Variants in CASZ1 observed in about 807,000 individuals in gnomAD.
CASZ1 encodes the protein castor zinc finger 1.
A neutral mutation model predicts 135.2 loss-of-function variants in CASZ1; 28 were observed. The ratio of observed to expected loss-of-function variants is 0.21; its 90% CI spans 0.15 to 0.28. CASZ1 has a LOEUF of 0.28. Among genes scored for constraint, CASZ1 ranks in the 10% least tolerant of loss-of-function variants. The pLI is 1.00. For missense variants in CASZ1, 2,161 were observed against 2,453.3 expected (o/e 0.88, Z 2.52); for synonymous variants, 1,068 against 1,073.4 (o/e 0.99, Z 0.10).
chr1:10,769,257 A>T (rs1246667542), intron 1 of CASZ1, among the ~76,000 whole-genome samples: 1 of 152,170 alleles, frequency 6.6e-6, no homozygotes, highest in African/African-American at 2.4e-5. Flanking sequence ...CGGCGAGAAC[A>T]CTCCAGTGGC....
chr1:10,790,227 C>T (rs569019219), intron 1 of CASZ1, among the ~76,000 whole-genome samples: 106 of 152,348 alleles, frequency 7.0e-4, no homozygotes, highest in Non-Finnish European at 1.1e-3. Context: ...GAAACCAACA[C>T]GGGGTGCTGG....
chr1:10,695,797 T>G (rs1415038625), intron 3 of CASZ1, among the ~76,000 whole-genome samples: 1 of 152,124 alleles, frequency 6.6e-6, no homozygotes, highest in Non-Finnish European at 1.5e-5. Flanking sequence ...TTGAGAGTCC[T>G]TATATGTTGG....
intron 2 of CASZ1, among the ~76,000 whole-genome samples, chr1:10,728,110 C>T (rs540704928): frequency 6.6e-6 from 1 of 152,342 alleles, no homozygotes; most frequent in East Asian, 1.9e-4. Flanking sequence ...TCCAGTGTCC[C>T]CTTGGCACCA....
At chr1:10,773,743 CTGTGTGTGTGCT>C (rs976164630) in intron 1 of CASZ1, among the ~76,000 whole-genome samples, 1 of 152,088 alleles carries the variant, frequency 6.6e-6, no homozygotes. Flanking sequence ...AGACAGCAGT[CTGTGTGTGTGCT>C]TGTGAGGCAC....
At chr1:10,766,940 T>C (rs1208135445) in intron 1 of CASZ1, among the ~76,000 whole-genome samples, 1 of 152,076 alleles carries the variant, frequency 6.6e-6, no homozygotes, top group Admixed American at 6.5e-5. Flanking sequence ...CTCACAGCAC[T>C]GCTTAGTAAG....
rs539770491 is a variant in CASZ1 at position 10,645,485 on chromosome 1, G to A, written c.3697-397C>T. Among the ~76,000 whole-genome samples the A allele has an allele frequency of 5.3e-5, 8 of 152,276 alleles. No homozygotes were observed. The South Asian group carries it at 8.3e-4, about 16-fold the overall frequency. On this transcript the variant is annotated intron_variant, in intron 17 of 20. Transcript: ENST00000377022. ...GCAGAGCTTGCAGTGAGCCGAGATC[G>A]TGCCACTGCACTCCAGCCTGGGTGA...
intron 2 of CASZ1, among the ~76,000 whole-genome samples, chr1:10,748,687 CA>C (rs1640093604): frequency 6.6e-6 from 1 of 152,140 alleles, no homozygotes; most frequent in Non-Finnish European, 1.5e-5. Flanking sequence ...GCCCCTTCAC[CA>C]CTGCTTGCTC....
chr1:10,694,927 C>T lies in CASZ1; in HGVS notation c.-23-1015G>A, dbSNP rs1023156573. On this transcript the variant is annotated intron_variant, in intron 3 of 20. Transcript: ENST00000377022. The surrounding 1 kb of genome is among the most constrained non-coding windows in gnomAD (Gnocchi z 6.6). ...CGCGCGCTCGCATGCTGCCAGCGGC[C>T]GCTCGGGCCCCGCGAGCGCGACCGA... Among the ~76,000 whole-genome samples, 1,032 of 143,696 alleles carry T rather than the reference C, an allele frequency of 7.2e-3. 35 individuals are homozygous for T. The highest frequency in any genetic ancestry group is 0.059 in the East Asian group (282 of 4,806). The allele number at this position is 143,696 out of a possible 152,430, so 94.3% of individuals were successfully genotyped here.
chr1:10,639,980 C>T lies in CASZ1; in HGVS notation c.4242G>A (p.Lys1414=), dbSNP rs775596134. ...TCCGGGAGGACGCCGTCTTCCGCCGCTTGCCGAAGGGCGACATGTCCTCGA... is the reference window on the plus strand; with the variant it reads ...TCCGGGAGGACGCCGTCTTCCGCCGTTTGCCGAAGGGCGACATGTCCTCGA... ...WIIEDMSPFG[K]RRKTASSRKM... The change falls in exon 21 of 21, where the codon AAG becomes AAA. Residue 1414 remains lysine (K), a synonymous_variant. Transcript: ENST00000377022. The surrounding 1 kb of genome is among the most constrained non-coding windows in gnomAD (Gnocchi z 4.0). 1.2e-6 allele frequency: 2 copies of T among 1,612,782 alleles called. No homozygotes were observed. Among genetic ancestry groups the T allele is most frequent in the Non-Finnish European group, 1.7e-6 (2 of 1,180,020 alleles).
intron 11 of CASZ1, 76 bp downstream of exon 11, chr1:10,653,301 G>T: frequency 6.9e-7 from 1 of 1,442,528 alleles, no homozygotes; most frequent in Non-Finnish European, 9.7e-7. Context: ...CCCCGACTCT[G>T]CTCTGCAGCC....
intron 4 of CASZ1, among the ~76,000 whole-genome samples, chr1:10,685,131 T>A (rs1638544750): frequency 6.6e-6 from 1 of 152,268 alleles, no homozygotes; most frequent in South Asian, 2.1e-4. Flanking sequence ...TAAGTTTTCA[T>A]CTTATTTTAA....
At chr1:10,753,650 C>A (rs557490831) in intron 2 of CASZ1, among the ~76,000 whole-genome samples, 1 of 152,126 alleles carries the variant, frequency 6.6e-6, no homozygotes, top group African/African-American at 2.4e-5. Flanking sequence ...TGTTTCTGAG[C>A]GGCTCCCCAG....
At chr1:10,769,302 A>G (rs1010835031) in intron 1 of CASZ1, among the ~76,000 whole-genome samples, 1 of 152,250 alleles carries the variant, frequency 6.6e-6, no homozygotes, top group Non-Finnish European at 1.5e-5. Flanking sequence ...CACAGCAGCC[A>G]CTGGCCACAT....
rs1162927454 is a variant in CASZ1, at chr1:10,774,294, A to G, written c.-233-13437T>C. 6.6e-6 allele frequency among the ~76,000 whole-genome samples: 1 copy of G among 151,944 alleles called. No homozygotes were observed. The highest frequency in any genetic ancestry group is 1.5e-5 in the Non-Finnish European group (1 of 67,968). On this transcript the variant is annotated intron_variant, in intron 1 of 20. Coordinates refer to ENST00000377022, the MANE Select transcript of CASZ1 (RefSeq NM_001079843.3). This position sits in a 1 kb window ranked among gnomAD's most constrained non-coding sequence, Gnocchi z 4.4. The stretch of plus-strand genomic sequence containing the variant: ...CGGGAACCATTTCAAAAGCTAAACA[A>G]TCTACCCCTTTTAAATGTTCTCAAC...
Position 10,707,321 on chromosome 1 carries a change from C to T in CASZ1, c.-76-1777G>A, listed in dbSNP as rs545148981. On this transcript the variant is annotated intron_variant, in intron 2 of 20. Coordinates refer to ENST00000377022, the MANE Select transcript of CASZ1 (RefSeq NM_001079843.3). The surrounding 1 kb of genome is among the most constrained non-coding windows in gnomAD (Gnocchi z 5.0). ...TTAATTTTGTGTTAAACAGACTGACCGGAATGATAACGACTTGCAGCGCGG... is the reference window on the plus strand; with the variant it reads ...TTAATTTTGTGTTAAACAGACTGACTGGAATGATAACGACTTGCAGCGCGG... Among the ~76,000 whole-genome samples, 4 of 152,262 alleles carry T rather than the reference C, an allele frequency of 2.6e-5. No individual in the cohort carries two copies. The highest frequency in any genetic ancestry group is 4.8e-5 in the African/African-American group (2 of 41,532).
Position 10,647,118 on chromosome 1 carries a change from G to T in CASZ1, c.3497+683C>A. The T allele has an allele frequency of 2.1e-6, 1 of 479,030 alleles. No individual in the cohort carries two copies. Among genetic ancestry groups the T allele is most frequent in the South Asian group, 8.9e-5 (1 of 11,286 alleles). 29.7% of individuals were successfully genotyped at this position (479,030 alleles called of 1,614,324 possible). ...GGGAGGAGGAGGGGGAGGGGAGGCT[G>T]GTGGGGGGGACGGAGAACAGTGCTG... On this transcript the variant is annotated intron_variant, in intron 16 of 20. Transcript: ENST00000377022. This position sits in a 1 kb window ranked among gnomAD's most constrained non-coding sequence, Gnocchi z 4.9.
chr1:10,658,374 C>T (rs1642880746), intron 7 of CASZ1, 134 bp downstream of exon 7: 13 of 702,066 alleles, frequency 1.9e-5, no homozygotes, highest in South Asian at 3.4e-5. Context: ...GTGGAGGGAC[C>T]GAAGTGGATG....
chr1:10,656,652 G>C lies in CASZ1; in HGVS notation c.1494C>G (p.Asn498Lys). 3 of 1,597,088 alleles carry C rather than the reference G, an allele frequency of 1.9e-6. No homozygotes were observed. Among genetic ancestry groups the C allele is most frequent in the Non-Finnish European group, 2.6e-6 (3 of 1,172,312 alleles). Residue 498 changes from asparagine (N) to lysine (K), a missense_variant, in exon 8 of 21, where the codon AAC becomes AAG. Coordinates refer to ENST00000377022, the MANE Select transcript of CASZ1 (RefSeq NM_001079843.3). ...CATCTGGCTGTGGCCGTACCTGGTA[G>C]TTACACTCAGGGTCAAGGCAGTGGT... is the stretch of plus-strand genomic sequence containing the variant. ...EHYHCLDPEC[N>K]YQRFTSKQDV...
At chr1:10,667,578 G>A (rs1481197440) in intron 4 of CASZ1, among the ~76,000 whole-genome samples, 1 of 152,190 alleles carries the variant, frequency 6.6e-6, no homozygotes, top group Non-Finnish European at 1.5e-5. Context: ...GACGCCGGGT[G>A]TCCTCCAACA....
Sources: allele counts gnomAD v4.1 joint callset (sites outside exome capture counted in the v4.1 genomes callset), GRCh38; gene constraint gnomAD v4.1.1; non-coding constraint Gnocchi (gnomAD v3.1); transcripts MANE v1.5; gene names NCBI Gene and HGNC (gene_info 2026-07-23, HGNC 2026-07-21).